Variants in GLDN observed in about 807,000 individuals in gnomAD.
GLDN encodes the protein gliomedin.
GLDN carries 47 observed loss-of-function variants against 56.5 expected under a neutral mutation model. The observed-to-expected ratio is 0.83, with a 90% CI of 0.66 to 1.06. GLDN has a LOEUF of 1.06. Ranked by LOEUF, GLDN falls within the 50% of genes least tolerant of loss-of-function variation. The probability of loss-of-function intolerance (pLI) is 0.00; values close to 1 mark genes in which losing one functional copy is unlikely to be tolerated. For synonymous variants in GLDN, 332 were observed against 278.8 expected, an observed-to-expected ratio of 1.19 and a Z score of -1.90; for missense variants, 782 against 714.3, an observed-to-expected ratio of 1.09 and a Z score of -1.08.
chr15:51,403,405 C>T (rs1184858665), intron 9 of GLDN, among the ~76,000 whole-genome samples: 4 of 152,234 alleles, frequency 2.6e-5, no homozygotes, highest in Non-Finnish European at 5.9e-5. Flanking sequence ...GTCTGTTATG[C>T]TCAAATGCAT....
intron 1 of GLDN, among the ~76,000 whole-genome samples, chr15:51,347,848 T>A (rs2037005622): frequency 6.6e-6 from 1 of 152,190 alleles, no homozygotes; most frequent in Admixed American, 6.5e-5. Context: ...GAATACTAAG[T>A]AGCTGTAGAA....
Position 51,377,293 on chromosome 15 carries a change from A to G in GLDN, c.364-156A>G. 4 of 599,968 alleles carry G rather than the reference A, an allele frequency of 6.7e-6. No homozygotes were observed. In the South Asian group the frequency reaches 8.3e-5, roughly 12 times the overall value. 37.2% of individuals were successfully genotyped at this position (599,968 alleles called of 1,614,324 possible). On this transcript the variant is annotated intron_variant, in intron 1 of 9. Coordinates refer to ENST00000335449, the MANE Select transcript of GLDN (RefSeq NM_181789.4). ...ATGATTCGTTGTTGACTGCAGCATC[A>G]CTAGGTGGGACATCACTGCGTTTTC...
chr15:51,389,160 G>A, intron 4 of GLDN, among the ~76,000 whole-genome samples: 1 of 152,210 alleles, frequency 6.6e-6, no homozygotes, highest in East Asian at 1.9e-4. Context: ...AGCCAGAAGA[G>A]GTTGGGTTAT....
chr15:51,409,252 A>T (rs2038439189), downstream of GLDN, among the ~76,000 whole-genome samples: 1 of 151,942 alleles, frequency 6.6e-6, no homozygotes, highest in South Asian at 2.1e-4. Flanking sequence ...TAATGAAAAA[A>T]TGGTTCAAGT....
At chr15:51,349,557 A>T (rs2141048791) in intron 1 of GLDN, among the ~76,000 whole-genome samples, 1 of 152,384 alleles carries the variant, frequency 6.6e-6, no homozygotes, top group East Asian at 1.9e-4. Context: ...TTATTGGGAT[A>T]CAGTCATGCC....
intron 1 of GLDN, among the ~76,000 whole-genome samples, chr15:51,375,984 C>T (rs1180011745): frequency 2.0e-5 from 3 of 152,146 alleles, no homozygotes; most frequent in Non-Finnish European, 4.4e-5. Flanking sequence ...CATCCTCTGT[C>T]AGAATTCCAT....
At chr15:51,372,286 C>T (rs2459398) in intron 1 of GLDN, among the ~76,000 whole-genome samples, 152,182 of 152,360 alleles carry the variant, frequency 1, 76,002 homozygotes, top group Middle Eastern at 1. Flanking sequence ...CATTCAGGAT[C>T]AAGTTTCAAC....
At position 51,342,054 on chromosome 15, in the gene GLDN, G is replaced by A. The variant is rs749127618; in HGVS notation, c.363+7G>A. On this transcript the variant is annotated splice_region_variant and intron_variant, in intron 1 of 9. Coordinates refer to ENST00000335449, the MANE Select transcript of GLDN (RefSeq NM_181789.4). ...GACCTACTCCATGGTGCCGGTAGGC[G>A]GGGTCTCTGTTCCCCGTGGCGCCCC... The A allele has an allele frequency of 6.3e-7, 1 of 1,591,782 alleles. No individual in the cohort carries two copies. Among genetic ancestry groups the A allele is most frequent in the South Asian group, 1.1e-5 (1 of 90,148 alleles).
rs2037891265 is a variant in GLDN at position 51,386,292 on chromosome 15, AC to A, written c.541+2402del. 3.3e-5 allele frequency among the ~76,000 whole-genome samples: 5 copies of A among 152,240 alleles called. No homozygotes were observed. In the South Asian group the frequency reaches 1.0e-3, roughly 32 times the overall value. ...GGCCAGGGGAAGTGGGAGACTAACC[AC>A]CAAAGGCTATCTGAAGAGCCCAGCT... On this transcript the variant is annotated intron_variant, in intron 4 of 9. Transcript: ENST00000335449.
intron 2 of GLDN, among the ~76,000 whole-genome samples, chr15:51,378,975 G>C (rs774127812): frequency 6.6e-6 from 1 of 152,184 alleles, no homozygotes; most frequent in Admixed American, 6.5e-5. Flanking sequence ...TGGGGACTGG[G>C]AACAAGGTTT....
At chr15:51,368,709 C>G (rs2037455989) in intron 1 of GLDN, among the ~76,000 whole-genome samples, 1 of 152,066 alleles carries the variant, frequency 6.6e-6, no homozygotes, top group Non-Finnish European at 1.5e-5. Flanking sequence ...GCAGTTACAG[C>G]TCAGTTTCAA....
At chr15:51,384,026 C>T (rs752720895) in intron 4 of GLDN, 134 bp downstream of exon 4, 1 of 751,230 alleles carries the variant, frequency 1.3e-6, no homozygotes, top group Non-Finnish European at 2.4e-6. Context: ...TAACTCTTAC[C>T]TAGAAGCCAT....
intron 1 of GLDN, among the ~76,000 whole-genome samples, chr15:51,347,694 T>C (rs2037002928): frequency 6.6e-6 from 1 of 152,234 alleles, no homozygotes; most frequent in African/African-American, 2.4e-5. Flanking sequence ...AAATACTCTT[T>C]GACCCAGCAA....
chr15:51,355,670 C>A (rs2470160), intron 1 of GLDN, among the ~76,000 whole-genome samples: 2 of 149,496 alleles, frequency 1.3e-5, no homozygotes, highest in South Asian at 2.1e-4. Context: ...ACCACAGGCA[C>A]GCACCAACAC....
At chr15:51,360,211 A>C (rs1490905786) in intron 1 of GLDN, 3 of 152,194 alleles carry the variant, frequency 2.0e-5, no homozygotes, top group African/African-American at 7.2e-5. Flanking sequence ...ATGAGACAAG[A>C]AAAAGGCCTC....
intron 4 of GLDN, 168 bp downstream of exon 4, chr15:51,384,060 T>C (rs2037834790): frequency 2.9e-6 from 2 of 685,484 alleles, no homozygotes; most frequent in Non-Finnish European, 5.3e-6. Flanking sequence ...ACCAAGGGTA[T>C]ACTTCTTGGT....
At chr15:51,355,067 C>G (rs1201620823) in intron 1 of GLDN, among the ~76,000 whole-genome samples, 1 of 152,174 alleles carries the variant, frequency 6.6e-6, no homozygotes, top group Non-Finnish European at 1.5e-5. Flanking sequence ...AGGTCCTTAT[C>G]CAGACCCCTT....
At chr15:51,349,797 T>C (rs1298084305) in intron 1 of GLDN, among the ~76,000 whole-genome samples, 1 of 151,184 alleles carries the variant, frequency 6.6e-6, no homozygotes, top group African/African-American at 2.4e-5. Flanking sequence ...TGGAGTGCAG[T>C]GCTGTGATTT....
At chr15:51,395,325 G>A (rs1487244685) in intron 5 of GLDN, among the ~76,000 whole-genome samples, 1 of 152,204 alleles carries the variant, frequency 6.6e-6, no homozygotes, top group Non-Finnish European at 1.5e-5. Flanking sequence ...GAGGACAACT[G>A]ACAGGAAGCA....
Sources: allele counts gnomAD v4.1 joint callset (sites outside exome capture counted in the v4.1 genomes callset), GRCh38; gene constraint gnomAD v4.1.1; transcripts MANE v1.5; gene names NCBI Gene and HGNC (gene_info 2026-07-23, HGNC 2026-07-21).